The following KCNQ3 variants were observed in gnomAD, a reference collection of about 807,000 sequenced individuals.
The protein encoded by KCNQ3 is potassium voltage-gated channel subfamily KQT member 3.
Under a neutral mutation model 92.5 loss-of-function variants are expected in KCNQ3, and 30 were observed. The observed-to-expected ratio is 0.32, with a 90% confidence interval of 0.24 to 0.44. KCNQ3 has a LOEUF of 0.44. Among genes scored for constraint, KCNQ3 ranks in the 20% least tolerant of loss-of-function variants. The pLI, the probability that KCNQ3 is intolerant of heterozygous loss-of-function variation, is 1.00. For missense variants in KCNQ3, 913 were observed against 1,140.3 expected (o/e 0.80, Z 2.87); for synonymous variants, 450 against 468.8 (o/e 0.96, Z 0.52).
chr8:132,397,800 T>G (rs1820229534), intron 1 of KCNQ3, among the ~76,000 whole-genome samples: 1 of 152,166 alleles, frequency 6.6e-6, no homozygotes, highest in Admixed American at 6.5e-5. Context: ...ACAGAAAGAT[T>G]AAAGGTTGTT....
chr8:132,214,209 C>A (rs1474953743), intron 1 of KCNQ3, among the ~76,000 whole-genome samples: 1 of 152,128 alleles, frequency 6.6e-6, no homozygotes, highest in East Asian at 1.9e-4. Context: ...GAATAATTTC[C>A]ATAGGTCTTT....
intron 1 of KCNQ3, among the ~76,000 whole-genome samples, chr8:132,250,787 G>A (rs1171422298): frequency 1.3e-5 from 2 of 152,086 alleles, no homozygotes; most frequent in African/African-American, 2.4e-5. Context: ...CTGGCAAAAC[G>A]TAATGGCTGC....
chr8:132,172,991 T>C (rs1431200807), intron 6 of KCNQ3, among the ~76,000 whole-genome samples: 1 of 152,206 alleles, frequency 6.6e-6, no homozygotes, highest in African/African-American at 2.4e-5. Flanking sequence ...ATTGGTTTTT[T>C]CTATAGGGAT....
chr8:132,476,979 T>C (rs1822427537), intron 1 of KCNQ3, among the ~76,000 whole-genome samples: 1 of 152,144 alleles, frequency 6.6e-6, no homozygotes, highest in Non-Finnish European at 1.5e-5. Context: ...GCTCTTCTCC[T>C]GATAGAAGTT....
At chr8:132,162,411 T>C in intron 9 of KCNQ3, among the ~76,000 whole-genome samples, 1 of 152,102 alleles carries the variant, frequency 6.6e-6, no homozygotes, top group East Asian at 1.9e-4. Flanking sequence ...TCCTGGTGCT[T>C]ATGGGGTGTG....
At chr8:132,289,970 ACT>A (rs1816794589) in intron 1 of KCNQ3, among the ~76,000 whole-genome samples, 1 of 151,696 alleles carries the variant, frequency 6.6e-6, no homozygotes, top group African/African-American at 2.4e-5. Context: ...TCTTTTGTAG[ACT>A]CTTCCCTGCA....
chr8:132,221,702 T>A (rs941212754), intron 1 of KCNQ3, among the ~76,000 whole-genome samples: 1 of 152,108 alleles, frequency 6.6e-6, no homozygotes, highest in Non-Finnish European at 1.5e-5. Flanking sequence ...GTTCTTGTAC[T>A]GGTACCAAAA....
chr8:132,197,576 CAAG>C (rs1369209496), intron 1 of KCNQ3, among the ~76,000 whole-genome samples: 15 of 152,304 alleles, frequency 9.8e-5, no homozygotes, highest in Admixed American at 6.5e-4. Flanking sequence ...CTGAGTCAAG[CAAG>C]AAGAGAGAAA....
At chr8:132,142,313 A>G (rs1825322141) in intron 9 of KCNQ3, among the ~76,000 whole-genome samples, 1 of 152,162 alleles carries the variant, frequency 6.6e-6, no homozygotes, top group South Asian at 2.1e-4. Context: ...CTTAAGCCCA[A>G]GTCCACCCTT....
intron 1 of KCNQ3, among the ~76,000 whole-genome samples, chr8:132,358,343 C>G (rs1819071025): frequency 6.6e-6 from 1 of 152,174 alleles, no homozygotes; most frequent in Non-Finnish European, 1.5e-5. Context: ...TTGAGAGATG[C>G]TTTAGACCCC....
At chr8:132,146,882 T>C (rs1379051453) in intron 9 of KCNQ3, among the ~76,000 whole-genome samples, 1 of 150,248 alleles carries the variant, frequency 6.7e-6, no homozygotes, top group Non-Finnish European at 1.5e-5. Context: ...AGTTTCAAAC[T>C]CTTGAGCTCA....
intron 1 of KCNQ3, among the ~76,000 whole-genome samples, chr8:132,360,297 C>T (rs922087197): frequency 1.3e-5 from 2 of 152,320 alleles, no homozygotes; most frequent in Middle Eastern, 6.8e-3. Context: ...TGCAGAGCCC[C>T]TTCTTCTATG....
intron 1 of KCNQ3, among the ~76,000 whole-genome samples, chr8:132,440,295 G>A (rs148683549): frequency 1.3e-5 from 2 of 152,328 alleles, no homozygotes; most frequent in Non-Finnish European, 2.9e-5. Flanking sequence ...CAGCAGCACA[G>A]ATGAAGTGCT....
At chr8:132,364,653 T>C (rs1819262061) in intron 1 of KCNQ3, among the ~76,000 whole-genome samples, 1 of 151,538 alleles carries the variant, frequency 6.6e-6, no homozygotes, top group South Asian at 2.1e-4. Flanking sequence ...ATTTAACAAA[T>C]GGGTTTAGTA....
chr8:132,335,784 A>C (rs1347051254), intron 1 of KCNQ3, among the ~76,000 whole-genome samples: 2 of 152,180 alleles, frequency 1.3e-5, no homozygotes, highest in Non-Finnish European at 2.9e-5. Context: ...GGGTGGAAGA[A>C]GCAAAGTTGG....
chr8:132,382,968 C>T (rs1464594768), intron 1 of KCNQ3, among the ~76,000 whole-genome samples: 1 of 152,212 alleles, frequency 6.6e-6, no homozygotes, highest in East Asian at 1.9e-4. Flanking sequence ...TGGAAGGATT[C>T]AATGAGGCAG....
intron 1 of KCNQ3, among the ~76,000 whole-genome samples, chr8:132,245,003 C>A (rs1815118667): frequency 6.7e-6 from 1 of 148,742 alleles, no homozygotes; most frequent in Non-Finnish European, 1.5e-5. Context: ...GTCAGCATTT[C>A]TTTTACGCAT....
chr8:132,447,406 A>T, intron 1 of KCNQ3: 1 of 681,690 alleles, frequency 1.5e-6, no homozygotes, highest in African/African-American at 1.8e-5. Context: ...GAAAGAAGAA[A>T]AGGAAGAAGG....
At chr8:132,286,230 C>T (rs558949515) in intron 1 of KCNQ3, among the ~76,000 whole-genome samples, 1 of 152,322 alleles carries the variant, frequency 6.6e-6, no homozygotes, top group Non-Finnish European at 1.5e-5. Context: ...CCACAGACAC[C>T]AGGATGTAAC....
Sources: allele counts gnomAD v4.1 joint callset (sites outside exome capture counted in the v4.1 genomes callset), GRCh38; gene constraint gnomAD v4.1.1; transcripts MANE v1.5; gene names NCBI Gene and HGNC (gene_info 2026-07-23, HGNC 2026-07-21).